The following SFXN5 variants were observed in gnomAD, a reference collection of about 807,000 sequenced individuals.
The protein encoded by SFXN5 is sideroflexin-5.
Under a neutral mutation model 50.2 loss-of-function variants are expected in SFXN5, and 43 were observed. The ratio of observed to expected loss-of-function variants is 0.86; its 90% CI spans 0.67 to 1.11. The LOEUF (loss-of-function observed/expected upper bound fraction) is 1.11. SFXN5 is among the 50% of genes least tolerant of loss of function. The pLI is 0.00. For synonymous variants in SFXN5, 203 were observed against 185.8 expected, an observed-to-expected ratio of 1.09 and a Z score of -0.75; for missense variants, 463 against 454.1, an observed-to-expected ratio of 1.02 and a Z score of -0.18.
At chr2:72,993,933 G>A (rs1428764280) in intron 9 of SFXN5, among the ~76,000 whole-genome samples, 1 of 152,160 alleles carries the variant, frequency 6.6e-6, no homozygotes, top group Non-Finnish European at 1.5e-5. Flanking sequence ...GGTGAGCAGA[G>A]GGTTGAACTC....
intron 2 of SFXN5, among the ~76,000 whole-genome samples, chr2:73,043,349 C>T (rs540485235): frequency 1.1e-4 from 16 of 152,318 alleles, no homozygotes; most frequent in African/African-American, 3.6e-4. Context: ...GTTTTCTGAG[C>T]TGGCTGCCAG....
In SFXN5 at chr2:73,044,186, C is replaced by T. The variant is rs75897011; in HGVS notation, c.172-3255G>A. Among the ~76,000 whole-genome samples the T allele has an allele frequency of 1.2e-3, 188 of 152,324 alleles. 4 individuals are homozygous for T. The East Asian group carries it at 0.033, about 27-fold the overall frequency. On this transcript the variant is annotated intron_variant, in intron 2 of 13. Coordinates refer to ENST00000272433, the MANE Select transcript of SFXN5 (RefSeq NM_144579.3). ...CACTTGACACAGTCATCAAAGGGAG[C>T]CCTCCTACCAAAAGAATAAATTCCA...
chr2:72,998,563 C>A, intron 9 of SFXN5: 1 of 206,404 alleles, frequency 4.8e-6, no homozygotes. Context: ...CTCAGGGGAG[C>A]AGGCACATGG....
intron 3 of SFXN5, among the ~76,000 whole-genome samples, chr2:73,028,986 G>A (rs1055110074): frequency 2.0e-5 from 3 of 152,134 alleles, no homozygotes; most frequent in African/African-American, 2.4e-5. Context: ...TGTAAGGGAG[G>A]GTTCCCTGGC....
intron 10 of SFXN5, among the ~76,000 whole-genome samples, chr2:72,987,155 T>C (rs992352417): frequency 5.3e-5 from 8 of 152,170 alleles, no homozygotes; most frequent in African/African-American, 1.9e-4. Flanking sequence ...AGTCTCACTC[T>C]GTCACCAGGC....
chr2:72,969,514 C>G (rs1674895411), intron 11 of SFXN5, among the ~76,000 whole-genome samples: 2 of 152,090 alleles, frequency 1.3e-5, no homozygotes, highest in African/African-American at 4.8e-5. Context: ...CCAGCCTCAG[C>G]CTCTCGAGTA....
chr2:72,997,947 T>A (rs1057351964), intron 9 of SFXN5: 2 of 152,128 alleles, frequency 1.3e-5, no homozygotes, highest in African/African-American at 4.8e-5. Context: ...GTGCAGTGGC[T>A]GTTCACAGCT....
chr2:72,988,592 A>G (rs1672194958), intron 9 of SFXN5, among the ~76,000 whole-genome samples: 1 of 152,082 alleles, frequency 6.6e-6, no homozygotes, highest in Admixed American at 6.6e-5. Flanking sequence ...GAGGTAAAGC[A>G]TCAGAGACAT....
chr2:73,059,029 A>T (rs1361646131), intron 1 of SFXN5: 1 of 1,002,074 alleles, frequency 1.0e-6, no homozygotes, highest in African/African-American at 1.7e-5. Flanking sequence ...TCCCTCCCCA[A>T]GGTCCAGCTC....
At position 72,956,916 on chromosome 2, in the gene SFXN5, CTA is replaced by C. The variant is rs1328973080; in HGVS notation, c.945+4213_945+4214del. ...AAGAAACTGAATACCATGTTGCCTCCTAGACTGCCATGTCTAGCTATGCCACC... is the reference window on the plus strand; with the variant it reads ...AAGAAACTGAATACCATGTTGCCTCCGACTGCCATGTCTAGCTATGCCACC... On this transcript the variant is annotated intron_variant, in intron 13 of 13. Transcript: ENST00000272433. 5 of 423,920 alleles carry C rather than the reference CTA, an allele frequency of 1.2e-5. No homozygotes were observed. In the Admixed American group the frequency reaches 1.2e-4, roughly 10 times the overall value. The allele number at this position is 423,920 out of a possible 1,614,324, so 26.3% of individuals were successfully genotyped here. A position where few individuals can be genotyped will look rare whatever the true frequency, so the allele number is the denominator to read the frequency against.
intron 6 of SFXN5, among the ~76,000 whole-genome samples, chr2:73,006,948 G>C (rs1378925172): frequency 6.6e-6 from 1 of 152,174 alleles, no homozygotes; most frequent in African/African-American, 2.4e-5. Context: ...GTAAGGAATG[G>C]GGCCAATGGC....
chr2:73,034,102 C>A (rs2105896003), intron 3 of SFXN5, among the ~76,000 whole-genome samples: 1 of 152,342 alleles, frequency 6.6e-6, no homozygotes, highest in Non-Finnish European at 1.5e-5. Context: ...ATAGGCAGAT[C>A]ATCCAGGAGG....
chr2:72,951,950 G>GC (rs1372322242), intron 13 of SFXN5, among the ~76,000 whole-genome samples: 1 of 152,198 alleles, frequency 6.6e-6, no homozygotes, highest in Non-Finnish European at 1.5e-5. Context: ...GGCTGGGCAG[G>GC]CCCCATGTCC....
At position 72,976,962 on chromosome 2, in the gene SFXN5, C is replaced by A. The variant is rs572359323; in HGVS notation, c.626-5277G>T. On this transcript the variant is annotated intron_variant, in intron 10 of 13. Transcript: ENST00000272433. ...CTCCTAAGAGCTATTCTACCCCCGCCCGAGATTAATCCAAACTAATAGTAA... is the reference window on the plus strand; with the variant it reads ...CTCCTAAGAGCTATTCTACCCCCGCACGAGATTAATCCAAACTAATAGTAA... Among the ~76,000 whole-genome samples the A allele has an allele frequency of 3.7e-4, 56 of 152,290 alleles. No homozygotes were observed. In the South Asian group the frequency reaches 5.0e-3, roughly 14 times the overall value.
chr2:73,001,984 A>C (rs1673977109), intron 6 of SFXN5, among the ~76,000 whole-genome samples: 1 of 152,234 alleles, frequency 6.6e-6, no homozygotes, highest in Non-Finnish European at 1.5e-5. Context: ...GGGGGCAATA[A>C]AAACAAGCAA....
At chr2:73,037,085 G>C (rs1242350634) in intron 3 of SFXN5, among the ~76,000 whole-genome samples, 1 of 152,216 alleles carries the variant, frequency 6.6e-6, no homozygotes, top group African/African-American at 2.4e-5. Context: ...CTCCAGTCTA[G>C]CACATTCGCC....
chr2:72,954,862 C>T (rs1055262373), intron 13 of SFXN5, among the ~76,000 whole-genome samples: 2 of 152,192 alleles, frequency 1.3e-5, no homozygotes, highest in African/African-American at 4.8e-5. Flanking sequence ...GCACCAGGGC[C>T]CTGTCTTGAG....
At chr2:73,025,324 C>T (rs964471671) in intron 3 of SFXN5, among the ~76,000 whole-genome samples, 1 of 152,116 alleles carries the variant, frequency 6.6e-6, no homozygotes, top group African/African-American at 2.4e-5. Flanking sequence ...CATCCTCCCA[C>T]CTCTGGATTC....
At chr2:73,008,772 G>A (rs1197459940) in intron 6 of SFXN5, among the ~76,000 whole-genome samples, 2 of 152,186 alleles carry the variant, frequency 1.3e-5, no homozygotes, top group African/African-American at 2.4e-5. Context: ...TATAAATTGG[G>A]ATCTCTTTGC....
Sources: allele counts gnomAD v4.1 joint callset (sites outside exome capture counted in the v4.1 genomes callset), GRCh38; gene constraint gnomAD v4.1.1; transcripts MANE v1.5; gene names NCBI Gene and HGNC (gene_info 2026-07-23, HGNC 2026-07-21).